Variants in ADCY8 observed in about 807,000 individuals in gnomAD.
ADCY8 encodes the protein adenylate cyclase type 8.
A neutral mutation model predicts 119.7 loss-of-function variants in ADCY8; 51 were observed. That is an observed-to-expected ratio of 0.43 (90% CI 0.34 to 0.54). The LOEUF is 0.54. ADCY8 is among the 20% of genes least tolerant of loss of function. ADCY8 has a pLI of 0.03. For synonymous variants in ADCY8, 665 were observed against 651.0 expected, an observed-to-expected ratio of 1.02 and a Z score of -0.33; for missense variants, 1,383 against 1,598.8, an observed-to-expected ratio of 0.87 and a Z score of 2.30.
chr8:130,804,356 A>C (rs1815877288), intron 14 of ADCY8, among the ~76,000 whole-genome samples: 1 of 152,114 alleles, frequency 6.6e-6, no homozygotes, highest in South Asian at 2.1e-4. Flanking sequence ...CTTAGGTTCT[A>C]GTCTCCTCTT....
In ADCY8 at chr8:130,903,784, C is replaced by T. The variant is rs1254198409; in HGVS notation, c.1899G>A (p.Val633=). ...WSPELPFDNI[V]GKQNTLAALT... ...AGAGAGGACTTACATTCTGTTTCCC[C>T]ACGATATTATCAAAGGGCAGTTCAG... is the stretch of plus-strand genomic sequence containing the variant. The change falls in exon 7 of 18, where the codon GTG becomes GTA. Residue 633 remains valine, a synonymous_variant. Coordinates refer to ENST00000286355, the MANE Select transcript of ADCY8 (RefSeq NM_001115.3). The T allele has an allele frequency of 2.5e-6, 4 of 1,612,328 alleles. No individual in the cohort carries two copies. The highest frequency in any genetic ancestry group is 3.4e-6 in the Non-Finnish European group (4 of 1,179,920).
At chr8:130,897,482 G>A (rs1294186998) in intron 7 of ADCY8, among the ~76,000 whole-genome samples, 1 of 151,728 alleles carries the variant, frequency 6.6e-6, no homozygotes, top group Non-Finnish European at 1.5e-5. Context: ...GCACATGTGA[G>A]AGGCTGCCTA....
Position 130,780,369 on chromosome 8 carries a change from A to AAAC in ADCY8, c.*20_*21insGTT. ...TATATATAAAAGAAATACAAAAAAA[A>AAAC]AAAACAGAAAGAAAATGCTTTTATG... is the stretch of plus-strand genomic sequence containing the variant. On this transcript the variant is annotated 3_prime_UTR_variant, in exon 18 of 18. Transcript: ENST00000286355. 7 of 1,403,254 alleles carry AAAC rather than the reference A, an allele frequency of 5.0e-6. No homozygotes were observed. The highest frequency in any genetic ancestry group is 5.6e-6 in the Non-Finnish European group (6 of 1,074,050). The allele number at this position is 1,403,254 out of a possible 1,614,324, so 86.9% of individuals were successfully genotyped here. A position where few individuals can be genotyped will look rare whatever the true frequency, so the allele number is the denominator to read the frequency against.
intron 2 of ADCY8, among the ~76,000 whole-genome samples, chr8:130,966,526 G>A (rs2130695385): frequency 6.6e-6 from 1 of 152,260 alleles, no homozygotes; most frequent in South Asian, 2.1e-4. Context: ...TTTGTAGAAG[G>A]AACAGATGAA....
intron 5 of ADCY8, among the ~76,000 whole-genome samples, chr8:130,915,993 G>A (rs941087316): frequency 2.6e-5 from 4 of 152,150 alleles, no homozygotes; most frequent in Non-Finnish European, 4.4e-5. Flanking sequence ...GGTCAACTAC[G>A]TTCATTGCCC....
At chr8:130,978,715 T>C (rs1822148218) in intron 2 of ADCY8, among the ~76,000 whole-genome samples, 1 of 152,160 alleles carries the variant, frequency 6.6e-6, no homozygotes, top group Non-Finnish European at 1.5e-5. Flanking sequence ...ACAAAAAAAT[T>C]CTATTTAAAA....
chr8:130,822,321 G>A (rs988386320), intron 12 of ADCY8, among the ~76,000 whole-genome samples: 8 of 152,074 alleles, frequency 5.3e-5, no homozygotes, highest in African/African-American at 1.9e-4. Flanking sequence ...TTAGCTAGGT[G>A]GTTTATAGGT....
In ADCY8 at chr8:131,012,044, G is replaced by A. The variant is rs114696015; in HGVS notation, c.961-21502C>T. 3.8e-3 allele frequency among the ~76,000 whole-genome samples: 580 copies of A among 152,284 alleles called. 5 individuals are homozygous for A. Among genetic ancestry groups the A allele is most frequent in the African/African-American group, 0.013 (549 of 41,556 alleles). On this transcript the variant is annotated intron_variant, in intron 1 of 17. Transcript: ENST00000286355. Reference sequence around the variant, plus strand: ...CATCACTCCCAGGAACCCATTTGGGGAGCCTGGCATCTCAGAACCAGAAAC... The same window carrying A: ...CATCACTCCCAGGAACCCATTTGGGAAGCCTGGCATCTCAGAACCAGAAAC...
Position 130,979,115 on chromosome 8 carries a change from G to A in ADCY8, c.1110+11278C>T, listed in dbSNP as rs146654238. Among the ~76,000 whole-genome samples the A allele has an allele frequency of 3.7e-3, 561 of 152,258 alleles. 4 individuals carry two copies. Among genetic ancestry groups the A allele is most frequent in the African/African-American group, 0.013 (539 of 41,560 alleles). Reference sequence around the variant, plus strand: ...TTGGTGGGTAGGAAAGGAGAAAGCTGGAGCCTTTAGAATACTTTGGAAGAG... The same window carrying A: ...TTGGTGGGTAGGAAAGGAGAAAGCTAGAGCCTTTAGAATACTTTGGAAGAG... On this transcript the variant is annotated intron_variant, in intron 2 of 17. Coordinates refer to ENST00000286355, the MANE Select transcript of ADCY8 (RefSeq NM_001115.3).
At chr8:131,000,054 C>T (rs1563762269) in intron 1 of ADCY8, among the ~76,000 whole-genome samples, 1 of 152,176 alleles carries the variant, frequency 6.6e-6, no homozygotes, top group Non-Finnish European at 1.5e-5. Context: ...TTTACAAAGT[C>T]CCTTTCATAC....
intron 14 of ADCY8, among the ~76,000 whole-genome samples, chr8:130,808,077 T>C (rs777011973): frequency 1.3e-5 from 2 of 148,990 alleles, no homozygotes; most frequent in Non-Finnish European, 3.0e-5. Context: ...GATACCATTG[T>C]AAATACCCTT....
chr8:130,919,004 A>G (rs1387502892), intron 5 of ADCY8, among the ~76,000 whole-genome samples: 1 of 152,208 alleles, frequency 6.6e-6, no homozygotes, highest in Non-Finnish European at 1.5e-5. Flanking sequence ...TGAAGGTTGC[A>G]GTGAGCCGAG....
intron 1 of ADCY8, among the ~76,000 whole-genome samples, chr8:131,035,880 T>C (rs1824136747): frequency 6.6e-6 from 1 of 152,160 alleles, no homozygotes; most frequent in Non-Finnish European, 1.5e-5. Context: ...TGGCTTTTAG[T>C]TGACAGATTT....
At position 130,895,418 on chromosome 8, in the gene ADCY8, C is replaced by G. The variant is rs368850160; in HGVS notation, c.1911+8354G>C. 6.6e-5 allele frequency among the ~76,000 whole-genome samples: 10 copies of G among 152,118 alleles called. No individual in the cohort carries two copies. The East Asian group carries it at 7.7e-4, about 12-fold the overall frequency. ...TACATAAGCCTCAGTCCTATCTCTA[C>G]CTTTATCTCTTCTTCCTTAGTCTAC... On this transcript the variant is annotated intron_variant, in intron 7 of 17. Coordinates refer to ENST00000286355, the MANE Select transcript of ADCY8 (RefSeq NM_001115.3).
At chr8:131,023,317 G>A (rs1198134381) in intron 1 of ADCY8, among the ~76,000 whole-genome samples, 1 of 152,148 alleles carries the variant, frequency 6.6e-6, no homozygotes, top group Admixed American at 6.5e-5. Context: ...ACATATGAGC[G>A]TGTTCTTTTA....
At chr8:130,840,916 C>A (rs542559468) in intron 11 of ADCY8, among the ~76,000 whole-genome samples, 3 of 152,038 alleles carry the variant, frequency 2.0e-5, no homozygotes, top group Non-Finnish European at 2.9e-5. Flanking sequence ...ATCACCTTTG[C>A]CTTGGGAAAG....
At chr8:131,030,566 A>G (rs1438342916) in intron 1 of ADCY8, among the ~76,000 whole-genome samples, 1 of 152,188 alleles carries the variant, frequency 6.6e-6, no homozygotes, top group Non-Finnish European at 1.5e-5. Flanking sequence ...GATGTGTTCT[A>G]AGAGTCAGGT....
intron 9 of ADCY8, among the ~76,000 whole-genome samples, chr8:130,865,958 C>A (rs1009670246): frequency 1.3e-5 from 2 of 152,088 alleles, no homozygotes; most frequent in African/African-American, 4.8e-5. Flanking sequence ...TAATTTGGCT[C>A]ACAGCACTTC....
intron 12 of ADCY8, among the ~76,000 whole-genome samples, chr8:130,825,510 G>A (rs1419613634): frequency 6.6e-6 from 1 of 152,134 alleles, no homozygotes; most frequent in Non-Finnish European, 1.5e-5. Context: ...CCTGTGATTT[G>A]TATTCATATT....
Sources: allele counts gnomAD v4.1 joint callset (sites outside exome capture counted in the v4.1 genomes callset), GRCh38; gene constraint gnomAD v4.1.1; transcripts MANE v1.5; gene names NCBI Gene and HGNC (gene_info 2026-07-23, HGNC 2026-07-21).